The following CFAP96 variants were observed in gnomAD, a reference collection of about 807,000 sequenced individuals.
CFAP96 encodes cilia-and flagella-associated protein 96.
the CFAP96 span, chr4:185,426,255 G>A: frequency 4.5e-6 from 1 of 221,020 alleles, no homozygotes; most frequent in Admixed American, 5.2e-5. Context: ...GGAACGTGCA[G>A]AGGCGCTGCG....
chr4:185,428,208 G>A, the CFAP96 span, among the ~76,000 whole-genome samples: 1 of 152,074 alleles, frequency 6.6e-6, no homozygotes, highest in Non-Finnish European at 1.5e-5. Flanking sequence ...AAAAACTTTA[G>A]AATGGGATAG....
the CFAP96 span, among the ~76,000 whole-genome samples, chr4:185,434,585 T>C: frequency 6.6e-6 from 1 of 152,140 alleles, no homozygotes; most frequent in East Asian, 1.9e-4. Flanking sequence ...TAGACTAGCT[T>C]TCCTTTTTTA....
chr4:185,446,483 C>T, the CFAP96 span, among the ~76,000 whole-genome samples: 2 of 152,122 alleles, frequency 1.3e-5, no homozygotes, highest in South Asian at 4.1e-4. Context: ...TTTATTCTCT[C>T]ACTCAACATC....
At chr4:185,439,304 G>C in the CFAP96 span, among the ~76,000 whole-genome samples, 4 of 152,146 alleles carry the variant, frequency 2.6e-5, no homozygotes, top group African/African-American at 9.7e-5. Flanking sequence ...TTGTGATATG[G>C]AAGGGTGGAG....
At chr4:185,415,105 T>C in the CFAP96 span, 1 of 1,417,160 alleles carries the variant, frequency 7.1e-7, no homozygotes, top group Non-Finnish European at 9.5e-7. Flanking sequence ...AAATACAAAA[T>C]GAATGATAGT....
the CFAP96 span, among the ~76,000 whole-genome samples, chr4:185,434,954 T>C: frequency 9.9e-5 from 15 of 152,258 alleles, no homozygotes; most frequent in African/African-American, 3.6e-4. Flanking sequence ...TTGGCCAGGC[T>C]GGTCTCAAAC....
the CFAP96 span, chr4:185,432,238 C>G: frequency 1.4e-6 from 2 of 1,404,034 alleles, no homozygotes; most frequent in Non-Finnish European, 1.9e-6. Context: ...AATATACCTC[C>G]TGTACCTTTA....
the CFAP96 span, chr4:185,415,771 C>A: frequency 3.1e-6 from 5 of 1,613,866 alleles, no homozygotes; most frequent in Non-Finnish European, 4.2e-6. Flanking sequence ...GTCATATTAA[C>A]ATAATGGTGT....
chr4:185,445,614 T>C, the CFAP96 span: 6 of 982,068 alleles, frequency 6.1e-6, no homozygotes, highest in African/African-American at 1.7e-5. Flanking sequence ...AAAAAGTATA[T>C]TATCAAGGTA....
chr4:185,426,305 C>T, the CFAP96 span: 1 of 163,296 alleles, frequency 6.1e-6, no homozygotes, highest in Non-Finnish European at 1.3e-5. Context: ...CCTCGCCGCT[C>T]CCGCAGCGCA....
At chr4:185,443,480 C>G in the CFAP96 span, among the ~76,000 whole-genome samples, 1 of 150,394 alleles carries the variant, frequency 6.6e-6, no homozygotes, top group South Asian at 2.1e-4. Context: ...TCCCTAAGAG[C>G]TGGGATTACA....
At chr4:185,415,075 T>C in the CFAP96 span, 1 of 1,190,418 alleles carries the variant, frequency 8.4e-7, no homozygotes. Context: ...ATACCTTCCA[T>C]TTAGTGGAAA....
the CFAP96 span, among the ~76,000 whole-genome samples, chr4:185,441,890 A>G: frequency 6.6e-6 from 1 of 152,064 alleles, no homozygotes; most frequent in Non-Finnish European, 1.5e-5. Context: ...AGCATTGTAC[A>G]CTTTAAATGG....
the CFAP96 span, chr4:185,425,731 C>T: frequency 7.4e-7 from 1 of 1,356,256 alleles, no homozygotes; most frequent in Non-Finnish European, 1.0e-6. Flanking sequence ...GAGAGCCGCC[C>T]TGCCCACGCA....
chr4:185,426,919 C>G, the CFAP96 span, among the ~76,000 whole-genome samples: 155 of 133,938 alleles, frequency 1.2e-3, 2 homozygotes, highest in Non-Finnish European at 6.4e-4. Context: ...AAAAAAATAG[C>G]CGGGCATGGT....
At chr4:185,430,025 A>G in the CFAP96 span, among the ~76,000 whole-genome samples, 1 of 152,174 alleles carries the variant, frequency 6.6e-6, no homozygotes, top group Admixed American at 6.5e-5. Context: ...ATTCTATCCT[A>G]ATTTATTGTC....
chr4:185,418,561 T>G, the CFAP96 span: 1 of 1,610,996 alleles, frequency 6.2e-7, no homozygotes, highest in African/African-American at 1.3e-5. Flanking sequence ...TTGAAAACAT[T>G]TCTAGAAATC....
chr4:185,411,584 A>C, the CFAP96 span, among the ~76,000 whole-genome samples: 2 of 152,236 alleles, frequency 1.3e-5, no homozygotes, highest in Non-Finnish European at 2.9e-5. Context: ...TCATGAATGC[A>C]CATCTATATT....
At chr4:185,419,880 T>G in the CFAP96 span, among the ~76,000 whole-genome samples, 1 of 152,362 alleles carries the variant, frequency 6.6e-6, no homozygotes, top group African/African-American at 2.4e-5. Flanking sequence ...CATCTGTGCA[T>G]AAGTTCAGTT....
Sources: allele counts gnomAD v4.1 joint callset (sites outside exome capture counted in the v4.1 genomes callset), GRCh38; gene constraint gnomAD v4.1.1; transcripts MANE v1.5; gene names NCBI Gene and HGNC (gene_info 2026-07-23, HGNC 2026-07-21).